The following EMG1 variants were observed in gnomAD, a reference collection of about 807,000 sequenced individuals.
EMG1 encodes EMG1 N1-specific pseudouridine methyltransferase.
Under a neutral mutation model 26.9 loss-of-function variants are expected in EMG1, and 24 were observed. The observed-to-expected ratio is 0.89, with a 90% confidence interval of 0.65 to 1.26. The LOEUF is 1.26. Ranked by LOEUF, EMG1 falls within the 50% of genes most tolerant of loss-of-function variation. EMG1 has a pLI of 0.00. For synonymous variants in EMG1, 140 were observed against 112.6 expected (o/e 1.24, Z -1.54); for missense variants, 299 against 307.6 (o/e 0.97, Z 0.21).
downstream of EMG1, among the ~76,000 whole-genome samples, chr12:6,989,009 C>T (rs1432012445): frequency 1.3e-5 from 2 of 151,866 alleles, no homozygotes; most frequent in Non-Finnish European, 1.5e-5. Context: ...GCCTGTAATC[C>T]CAGCTACTCG....
At chr12:6,971,160 G>C (rs782235173) in intron 1 of EMG1, 69 bp downstream of exon 1, 49 of 1,307,400 alleles carry the variant, frequency 3.7e-5, no homozygotes, top group Non-Finnish European at 4.9e-5. Flanking sequence ...GAGGGTAAGG[G>C]GCCCAGAGTG....
At chr12:6,983,266 G>T, downstream of EMG1, 1 of 590,638 alleles carries the variant, frequency 1.7e-6, no homozygotes. Context: ...GTACATAAAA[G>T]AAAAAAAGGA....
chr12:6,989,319 T>G (rs1161342878), downstream of EMG1, among the ~76,000 whole-genome samples: 4 of 150,424 alleles, frequency 2.7e-5, no homozygotes, highest in South Asian at 2.1e-4. Context: ...GCGTGTTTTT[T>G]TTTTTTTTTT....
Position 6,979,458 on chromosome 12 carries a change from A to G in EMG1, c.*3649A>G, listed in dbSNP as rs782012839. 1 of 1,582,020 alleles carries G rather than the reference A, an allele frequency of 6.3e-7. No homozygotes were observed. The highest frequency in any genetic ancestry group is 2.2e-5 in the East Asian group (1 of 44,722). On this transcript the variant is annotated 3_prime_UTR_variant, in exon 6 of 6. Coordinates refer to ENST00000599672, the MANE Select transcript of EMG1 (RefSeq NM_006331.8). ...GGTGCAGTCATGCTGCTGCTGCTTTAGTAGACACTCACGTCATAGTCTTCA... is the reference window on the plus strand; with the variant it reads ...GGTGCAGTCATGCTGCTGCTGCTTTGGTAGACACTCACGTCATAGTCTTCA...
chr12:6,983,526 A>G, downstream of EMG1: 1 of 1,605,390 alleles, frequency 6.2e-7, no homozygotes, highest in Non-Finnish European at 8.5e-7. Context: ...GATAAAACAA[A>G]GCAAAGGGGT....
chr12:6,974,431 C>T lies in EMG1; in HGVS notation c.261C>T (p.Ile87=). 6.2e-7 allele frequency: 1 copy of T among 1,613,462 alleles called. No homozygotes were observed. The highest frequency in any genetic ancestry group is 8.5e-7 in the Non-Finnish European group (1 of 1,179,494). Residue 87 remains isoleucine, a synonymous_variant, in exon 2 of 6, where the codon ATC becomes ATT. Coordinates refer to ENST00000599672, the MANE Select transcript of EMG1 (RefSeq NM_006331.8). ...GRDPGEARPD[I]THQSLLMLMD... ...ACCCTGGGGAAGCGCGGCCAGATATCACCCACCAGGTAACTCCAGGGACAG... is the reference window on the plus strand; with the variant it reads ...ACCCTGGGGAAGCGCGGCCAGATATTACCCACCAGGTAACTCCAGGGACAG...
chr12:6,990,792 C>G (rs1169083099), downstream of EMG1, among the ~76,000 whole-genome samples: 1 of 150,876 alleles, frequency 6.6e-6, no homozygotes, highest in Non-Finnish European at 1.5e-5. Flanking sequence ...TGGCAGGCGC[C>G]TGTGATCCCA....
At chr12:6,988,833 TAA>T (rs1444464113), downstream of EMG1, among the ~76,000 whole-genome samples, 2 of 152,134 alleles carry the variant, frequency 1.3e-5, no homozygotes, top group African/African-American at 4.8e-5. Context: ...CAGAGGTTTG[TAA>T]GAACTTGTTG....
chr12:6,993,959 G>A (rs1555155795), intron 7 of EMG1, among the ~76,000 whole-genome samples: 1 of 151,962 alleles, frequency 6.6e-6, no homozygotes, highest in East Asian at 1.9e-4. Flanking sequence ...ACAAACAACT[G>A]GGTTGTTTCC....
chr12:6,993,344 G>T lies in EMG1; in HGVS notation c.*212-3881G>T, dbSNP rs782445799. On this transcript the variant is annotated intron_variant and NMD_transcript_variant, in intron 7 of 7. Coordinates refer to the EMG1 transcript ENST00000607161. ...AGCTACTCAGGAGGCTGAGGGAGGA[G>T]AATTGCTTGAACCCAGGAGGCAGAG... is the stretch of plus-strand genomic sequence containing the variant. Among the ~76,000 whole-genome samples, 3 of 151,924 alleles carry T rather than the reference G, an allele frequency of 2.0e-5. No homozygotes were observed. The South Asian group carries it at 6.2e-4, about 32-fold the overall frequency.
In EMG1 at chr12:6,987,951, AC is replaced by A. The variant is rs782689826; in HGVS notation, c.*211+114del. ...CCCTTTCCTTGCTACTCTGGGATCA[AC>A]AGTCACCTCTTGAACTTTTGGGGTG... On this transcript the variant is annotated intron_variant and NMD_transcript_variant, in intron 7 of 7. Transcript: ENST00000261406. The surrounding 1 kb of genome is among the most constrained non-coding windows in gnomAD (Gnocchi z 4.1). 4.2e-4 allele frequency: 168 copies of A among 398,518 alleles called. No individual in the cohort carries two copies. Among genetic ancestry groups the A allele is most frequent in the African/African-American group, 3.2e-3 (158 of 48,758 alleles). 24.7% of individuals were successfully genotyped at this position (398,518 alleles called of 1,614,324 possible).
chr12:6,985,089 TAAAA>T (rs10559240), intron 6 of EMG1, among the ~76,000 whole-genome samples: 10 of 112,594 alleles, frequency 8.9e-5, no homozygotes, highest in Non-Finnish European at 1.1e-4. Context: ...CCCCATACAT[TAAAA>T]AAAAAAAAAA....
At chr12:6,980,209 G>C (rs1946456091), downstream of EMG1, among the ~76,000 whole-genome samples, 1 of 152,028 alleles carries the variant, frequency 6.6e-6, no homozygotes, top group South Asian at 2.1e-4. Flanking sequence ...CACCTTGCCT[G>C]GATAATTTTT....
intron 6 of EMG1, among the ~76,000 whole-genome samples, chr12:6,986,399 A>T (rs1946526310): frequency 6.6e-6 from 1 of 152,184 alleles, no homozygotes. Context: ...AGAAATACAT[A>T]TATAACACAA....
At chr12:6,982,983 T>C (rs1555154337), downstream of EMG1, 2 of 641,354 alleles carry the variant, frequency 3.1e-6, no homozygotes, top group African/African-American at 1.8e-5. Context: ...TTCTTTTCTT[T>C]TTTTGTTTGT....
chr12:6,978,650 A>C lies in EMG1; in HGVS notation c.*2841A>C, dbSNP rs781994292. ...TATTTGTACAGCACAAACTTGCCCC[A>C]GATCAGCATGTACATGCAGCGGAAC... On this transcript the variant is annotated 3_prime_UTR_variant, in exon 6 of 6. Coordinates refer to ENST00000599672, the MANE Select transcript of EMG1 (RefSeq NM_006331.8). The C allele has an allele frequency of 3.1e-6, 5 of 1,614,120 alleles. No homozygotes were observed. The African/African-American group carries it at 6.7e-5, about 22-fold the overall frequency.
chr12:6,975,863 C>A lies in EMG1; in HGVS notation c.*54C>A. ...AACTGTTGATGTCACATCCTTTGAC[C>A]CTGGTCTGAGCTGACTGCTGGAAGA... On this transcript the variant is annotated 3_prime_UTR_variant, in exon 6 of 6. Coordinates refer to ENST00000599672, the MANE Select transcript of EMG1 (RefSeq NM_006331.8). 9.3e-7 allele frequency: 1 copy of A among 1,075,952 alleles called. No homozygotes were observed. Among genetic ancestry groups the A allele is most frequent in the Non-Finnish European group, 1.4e-6 (1 of 694,274 alleles). The allele number at this position is 1,075,952 out of a possible 1,614,324, so 66.7% of individuals were successfully genotyped here.
chr12:6,992,971 GTTT>G (rs1281695315), downstream of EMG1, among the ~76,000 whole-genome samples: 3 of 151,898 alleles, frequency 2.0e-5, no homozygotes, highest in Non-Finnish European at 4.4e-5. Flanking sequence ...ATAGCATATT[GTTT>G]TTTATTTATA....
rs147457308 is a variant in EMG1 at position 6,975,817 on chromosome 12, A to C, written c.*8A>C. Reference sequence around the variant, plus strand: ...GTATGGGGGGTCATTTGACAGTAGTAGAACCTGTTCTGAAACCAGAAACTG... The same window carrying C: ...GTATGGGGGGTCATTTGACAGTAGTCGAACCTGTTCTGAAACCAGAAACTG... On this transcript the variant is annotated 3_prime_UTR_variant, in exon 6 of 6. Coordinates refer to ENST00000599672, the MANE Select transcript of EMG1 (RefSeq NM_006331.8). The C allele has an allele frequency of 6.5e-5, 100 of 1,528,626 alleles. No individual in the cohort carries two copies. The African/African-American group carries it at 1.3e-3, about 19-fold the overall frequency. 94.7% of individuals were successfully genotyped at this position (1,528,626 alleles called of 1,614,324 possible). A position where few individuals can be genotyped will look rare whatever the true frequency, so the allele number is the denominator to read the frequency against.
Sources: allele counts gnomAD v4.1 joint callset (sites outside exome capture counted in the v4.1 genomes callset), GRCh38; gene constraint gnomAD v4.1.1; non-coding constraint Gnocchi (gnomAD v3.1); transcripts MANE v1.5; gene names NCBI Gene and HGNC (gene_info 2026-07-23, HGNC 2026-07-21).